The following ALG10B variants were observed in gnomAD, a reference collection of about 807,000 sequenced individuals.
The protein encoded by ALG10B is ALG10 alpha-1,2-glucosyltransferase B.
Under a neutral mutation model 38.7 loss-of-function variants are expected in ALG10B, and 27 were observed. That is an observed-to-expected ratio of 0.70 (90% CI 0.51 to 0.96). The LOEUF (loss-of-function observed/expected upper bound fraction) is 0.96. Ranked by LOEUF, ALG10B falls within the 40% of genes least tolerant of loss-of-function variation. The pLI is 0.00. For synonymous variants in ALG10B, 177 were observed against 193.3 expected, an observed-to-expected ratio of 0.92 and a Z score of 0.70; for missense variants, 522 against 542.7, an observed-to-expected ratio of 0.96 and a Z score of 0.38.
rs993865780 is a variant in ALG10B at position 38,321,112 on chromosome 12, C to T, written c.1321C>T (p.Leu441=). ...LPPTSRLVCE[L]SCYAIVNFIT... is the part of the protein sequence containing the mutation. ...TCCCACATCCAGACTTGTTTGTGAACTGAGTTGCTATGCAATTGTTAATTT... is the reference window on the plus strand; with the variant it reads ...TCCCACATCCAGACTTGTTTGTGAATTGAGTTGCTATGCAATTGTTAATTT... The change falls in exon 3 of 3, where the codon CTG becomes TTG. Residue 441 remains leucine (L), a synonymous_variant. Transcript: ENST00000308742. The T allele has an allele frequency of 9.9e-6, 16 of 1,613,646 alleles. No homozygotes were observed. The highest frequency in any genetic ancestry group is 1.3e-5 in the African/African-American group (1 of 74,890).
rs1945718182 is a variant in ALG10B, at chr12:38,323,333, A to T, written c.*2120A>T. On this transcript the variant is annotated 3_prime_UTR_variant, in exon 3 of 3. Transcript: ENST00000308742. ...TTTGGTCTGACTTTGTAGATTAGGGAACAACTGCTGGGGTAGGATTATTTT... is the reference window on the plus strand; with the variant it reads ...TTTGGTCTGACTTTGTAGATTAGGGTACAACTGCTGGGGTAGGATTATTTT... 2 of 152,376 alleles carry T rather than the reference A, an allele frequency of 1.3e-5. No individual in the cohort carries two copies. The highest frequency in any genetic ancestry group is 2.9e-5 in the Non-Finnish European group (2 of 68,196). The allele number at this position is 152,376 out of a possible 1,614,324, so 9.4% of individuals were successfully genotyped here.
rs1454342901 is a variant in ALG10B at position 38,325,470 on chromosome 12, A to G, written c.*4257A>G. On this transcript the variant is annotated 3_prime_UTR_variant, in exon 3 of 3. Coordinates refer to ENST00000308742, the MANE Select transcript of ALG10B (RefSeq NM_001013620.4). ...TTTATTTATACCACCTAAATAGTGG[A>G]CTGTTATTTTGGACTCACTTTTAAA... 1 of 152,180 alleles carries G rather than the reference A, an allele frequency of 6.6e-6. No individual in the cohort carries two copies. Among genetic ancestry groups the G allele is most frequent in the Non-Finnish European group, 1.5e-5 (1 of 68,008 alleles). 9.4% of individuals were successfully genotyped at this position (152,180 alleles called of 1,614,324 possible). A position where few individuals can be genotyped will look rare whatever the true frequency, so the allele number is the denominator to read the frequency against.
In ALG10B at chr12:38,316,897, G is replaced by C. The variant is rs761564225; in HGVS notation, c.4G>C (p.Ala2Pro). M[A>P]QLEGYCFSAA... ...GGCAGTGGCTGTGGGAGCAGGAATGGCGCAGCTAGAGGGTTACTGTTTCTC... is the reference window on the plus strand; with the variant it reads ...GGCAGTGGCTGTGGGAGCAGGAATGCCGCAGCTAGAGGGTTACTGTTTCTC... Residue 2 changes from alanine (A) to proline (P), a missense_variant, in exon 1 of 3, where the codon GCG (alanine) becomes CCG (proline). Physicochemically the swap from Ala to Pro is conservative, Grantham distance 27. Coordinates refer to ENST00000308742, the MANE Select transcript of ALG10B (RefSeq NM_001013620.4). 6.2e-7 allele frequency: 1 copy of C among 1,614,186 alleles called. No individual in the cohort carries two copies. Among genetic ancestry groups the C allele is most frequent in the Admixed American group, 1.7e-5 (1 of 60,028 alleles).
Position 38,322,021 on chromosome 12 carries a change from C to T in ALG10B, c.*808C>T, listed in dbSNP as rs1342990639. ...TGGGTGCTTACAACAATTTTCCTCA[C>T]AGTCTGGAGGCCAGAAGTCTAAAAT... On this transcript the variant is annotated 3_prime_UTR_variant, in exon 3 of 3. Transcript: ENST00000308742. The T allele has an allele frequency of 6.6e-6, 1 of 152,208 alleles. No homozygotes were observed. Among genetic ancestry groups the T allele is most frequent in the East Asian group, 1.9e-4 (1 of 5,186 alleles). 9.4% of individuals were successfully genotyped at this position (152,208 alleles called of 1,614,324 possible). A position where few individuals can be genotyped will look rare whatever the true frequency, so the allele number is the denominator to read the frequency against.
In ALG10B at chr12:38,317,359, C is replaced by T. The variant is rs73261349; in HGVS notation, c.171+295C>T. 1,366 of 479,254 alleles carry T rather than the reference C, an allele frequency of 2.9e-3. 14 individuals are homozygous for T. Among genetic ancestry groups the T allele is most frequent in the African/African-American group, 0.025 (1,299 of 51,508 alleles). The allele number at this position is 479,254 out of a possible 1,614,324, so 29.7% of individuals were successfully genotyped here. ...CAATATCGATCCCACTTTGTTTTTC[C>T]TTGTCTCAGGATTAAAGGCATTCGG... On this transcript the variant is annotated intron_variant, in intron 1 of 2. Transcript: ENST00000308742.
At chr12:38,316,772 ATGTGGCCCCGTC>A in exon 1 of ALG10B, 1 of 1,527,734 alleles carries the variant, frequency 6.5e-7, no homozygotes, top group South Asian at 1.1e-5. Context: ...GCCTTCCGGT[ATGTGGCCCCGTC>A]TGGCTAGTCC....
rs1945746302 is a variant in ALG10B, at chr12:38,326,527, ATTTAAAATAAGAAAATATTCTTATTTCT to A, written c.*5315_*5342del. ...TATAATTTCAAAATAATTGCTTTTT[ATTTAAAATAAGAAAATATTCTTATTTCT>A]ATTTAAAATAAGAAAAATCAGTAAC... On this transcript the variant is annotated 3_prime_UTR_variant, in exon 3 of 3. Coordinates refer to ENST00000308742, the MANE Select transcript of ALG10B (RefSeq NM_001013620.4). 2 of 30,068 alleles carry A rather than the reference ATTTAAAATAAGAAAATATTCTTATTTCT, an allele frequency of 6.7e-5. No homozygotes were observed. The highest frequency in any genetic ancestry group is 1.2e-4 in the Non-Finnish European group (2 of 16,528). 1.9% of individuals were successfully genotyped at this position (30,068 alleles called of 1,614,324 possible). A position where few individuals can be genotyped will look rare whatever the true frequency, so the allele number is the denominator to read the frequency against.
Position 38,323,991 on chromosome 12 carries a change from G to T in ALG10B, c.*2778G>T. The T allele has an allele frequency of 1.4e-6, 1 of 694,582 alleles. No homozygotes were observed. Among genetic ancestry groups the T allele is most frequent in the Non-Finnish European group, 2.6e-6 (1 of 382,832 alleles). The allele number at this position is 694,582 out of a possible 1,614,324, so 43.0% of individuals were successfully genotyped here. A position where few individuals can be genotyped will look rare whatever the true frequency, so the allele number is the denominator to read the frequency against. On this transcript the variant is annotated 3_prime_UTR_variant, in exon 3 of 3. Coordinates refer to ENST00000308742, the MANE Select transcript of ALG10B (RefSeq NM_001013620.4). ...GAAAATATTCTACCCTGTAATTAAA[G>T]AAGACTGCTCTTTGGAGGGATCACT...
At position 38,324,181 on chromosome 12, in the gene ALG10B, C is replaced by A; in HGVS notation, c.*2968C>A. ...CCGAGTAGCTGAGATTATAGGCGCC[C>A]ACCACCAAGCCTGGCTAATTTTTTC... is the stretch of plus-strand genomic sequence containing the variant. On this transcript the variant is annotated 3_prime_UTR_variant, in exon 3 of 3. Transcript: ENST00000308742. 1 of 417,888 alleles carries A rather than the reference C, an allele frequency of 2.4e-6. No individual in the cohort carries two copies. Among genetic ancestry groups the A allele is most frequent in the Non-Finnish European group, 4.3e-6 (1 of 233,656 alleles). The allele number at this position is 417,888 out of a possible 1,614,324, so 25.9% of individuals were successfully genotyped here. A position where few individuals can be genotyped will look rare whatever the true frequency, so the allele number is the denominator to read the frequency against.
rs924444179 is a variant in ALG10B at position 38,327,072 on chromosome 12, C to A, written c.*5859C>A. ...ACAAATATATACGTATTTATATATA[C>A]AAATTTGTATATATGTAATGTATGT... On this transcript the variant is annotated 3_prime_UTR_variant, in exon 3 of 3. Transcript: ENST00000308742. The A allele has an allele frequency of 6.8e-6, 1 of 147,498 alleles. No homozygotes were observed. The highest frequency in any genetic ancestry group is 2.5e-5 in the African/African-American group (1 of 40,364). 9.1% of individuals were successfully genotyped at this position (147,498 alleles called of 1,614,324 possible). A position where few individuals can be genotyped will look rare whatever the true frequency, so the allele number is the denominator to read the frequency against.
chr12:38,320,954 T>G lies in ALG10B; in HGVS notation c.1163T>G (p.Leu388Trp), dbSNP rs779228432. 1 of 1,613,682 alleles carries G rather than the reference T, an allele frequency of 6.2e-7. No individual in the cohort carries two copies. The highest frequency in any genetic ancestry group is 1.1e-5 in the South Asian group (1 of 91,000). ...GCTGGTTGGAGTATAGCTGACTCAT[T>G]GAAATCAAAGCCAATTTTTTGGAAT... ...IFAGWSIADS[L>W]KSKPIFWNLM... Residue 388 changes from leucine (L) to tryptophan (W), a missense_variant, in exon 3 of 3, where the codon TTG (leucine) becomes TGG (tryptophan). Transcript: ENST00000308742.
rs1945740457 is a variant in ALG10B, at chr12:38,325,956, A to T, written c.*4743A>T. 2 of 152,132 alleles carry T rather than the reference A, an allele frequency of 1.3e-5. No individual in the cohort carries two copies. Among genetic ancestry groups the T allele is most frequent in the South Asian group, 4.1e-4 (2 of 4,836 alleles). The allele number at this position is 152,132 out of a possible 1,614,324, so 9.4% of individuals were successfully genotyped here. On this transcript the variant is annotated 3_prime_UTR_variant, in exon 3 of 3. Coordinates refer to ENST00000308742, the MANE Select transcript of ALG10B (RefSeq NM_001013620.4). ...AGTGAATAGAAAAAACATCCTACAT[A>T]ACCGTGGCTAATTTTAGGAAGTAAA...
chr12:38,322,409 T>C lies in ALG10B; in HGVS notation c.*1196T>C, dbSNP rs947598435. 2 of 152,216 alleles carry C rather than the reference T, an allele frequency of 1.3e-5. No homozygotes were observed. Among genetic ancestry groups the C allele is most frequent in the African/African-American group, 4.8e-5 (2 of 41,452 alleles). The allele number at this position is 152,216 out of a possible 1,614,324, so 9.4% of individuals were successfully genotyped here. On this transcript the variant is annotated 3_prime_UTR_variant, in exon 3 of 3. Coordinates refer to ENST00000308742, the MANE Select transcript of ALG10B (RefSeq NM_001013620.4). ...TCTTCATGGGATACTTTTCAGTCCA[T>C]GACAGTTACTAAAGGACATTTTAGG...
Position 38,329,087 on chromosome 12 carries a change from A to C in ALG10B, c.*7874A>C. ...GAGAAAGGCATGAAGTCTACCTTCA[A>C]ATTCATGGCATTTTAGAAGGAAAAA... On this transcript the variant is annotated 3_prime_UTR_variant, in exon 3 of 3. Transcript: ENST00000308742. 2.5e-6 allele frequency: 1 copy of C among 397,268 alleles called. No homozygotes were observed. The highest frequency in any genetic ancestry group is 4.4e-5 in the Admixed American group (1 of 22,718). The allele number at this position is 397,268 out of a possible 1,614,324, so 24.6% of individuals were successfully genotyped here.
rs1053485231 is a variant in ALG10B, at chr12:38,325,104, G to A, written c.*3891G>A. ...CAGGTATGCTGTGAATTTTGTTAAC[G>A]TTTATGTTTTCCATTAATGGATAGT... On this transcript the variant is annotated 3_prime_UTR_variant, in exon 3 of 3. Transcript: ENST00000308742. 7 of 152,088 alleles carry A rather than the reference G, an allele frequency of 4.6e-5. No individual in the cohort carries two copies. In the South Asian group the frequency reaches 8.3e-4, roughly 18 times the overall value. The allele number at this position is 152,088 out of a possible 1,614,324, so 9.4% of individuals were successfully genotyped here. A position where few individuals can be genotyped will look rare whatever the true frequency, so the allele number is the denominator to read the frequency against.
Position 38,325,183 on chromosome 12 carries a change from CT to C in ALG10B, c.*3971del, listed in dbSNP as rs1945733741. 1 of 152,196 alleles carries C rather than the reference CT, an allele frequency of 6.6e-6. No individual in the cohort carries two copies. Among genetic ancestry groups the C allele is most frequent in the Non-Finnish European group, 1.5e-5 (1 of 68,018 alleles). The allele number at this position is 152,196 out of a possible 1,614,324, so 9.4% of individuals were successfully genotyped here. On this transcript the variant is annotated 3_prime_UTR_variant, in exon 3 of 3. Coordinates refer to ENST00000308742, the MANE Select transcript of ALG10B (RefSeq NM_001013620.4). ...TTTAAATGATTTGGAAAGATAGCAT[CT>C]CTCAGTTTAAACTTAGCATCTCATT...
chr12:38,320,407 A>G lies in ALG10B; in HGVS notation c.616A>G (p.Thr206Ala). 6.2e-7 allele frequency: 1 copy of G among 1,614,104 alleles called. No homozygotes were observed. Among genetic ancestry groups the G allele is most frequent in the Non-Finnish European group, 8.5e-7 (1 of 1,179,970 alleles). The stretch of plus-strand genomic sequence containing the variant: ...AGGGAATGTCATTGCACAAAAGTTA[A>G]CTGAGGCTTGGAAAACTGAGCTACA... ...CAGNVIAQKLTEAWKTELQKK... is the reference protein window; with the variant it reads ...CAGNVIAQKLAEAWKTELQKK... Residue 206 changes from threonine to alanine, a missense_variant, in exon 3 of 3, where the codon ACT becomes GCT. By Grantham distance (58) the Thr-to-Ala change is moderately conservative (BLOSUM62 0). Transcript: ENST00000308742.
rs1945658942 is a variant in ALG10B at position 38,316,816 on chromosome 12, GC to G, written c.-75del. 1 of 1,612,262 alleles carries G rather than the reference GC, an allele frequency of 6.2e-7. No individual in the cohort carries two copies. Among genetic ancestry groups the G allele is most frequent in the Non-Finnish European group, 8.5e-7 (1 of 1,179,446 alleles). ...GTCCTGTCTAGCGCGCCCATTTCGA[GC>G]CCAAGTTTCCAGCTCGGGTTTCCGG... On this transcript the variant is annotated 5_prime_UTR_variant, in exon 1 of 3. Coordinates refer to ENST00000308742, the MANE Select transcript of ALG10B (RefSeq NM_001013620.4).
chr12:38,324,097 A>G lies in ALG10B; in HGVS notation c.*2884A>G. 5.2e-6 allele frequency: 3 copies of G among 580,620 alleles called. No individual in the cohort carries two copies. The highest frequency in any genetic ancestry group is 4.4e-5 in the South Asian group (2 of 45,414). 36.0% of individuals were successfully genotyped at this position (580,620 alleles called of 1,614,324 possible). On this transcript the variant is annotated 3_prime_UTR_variant, in exon 3 of 3. Transcript: ENST00000308742. ...CCCCAGGCTGGAATGCAATGGCGCG[A>G]TCTTGGCTCACTGAAACCTCCACCT...
Sources: gnomAD v4.1 joint callset for allele counts on GRCh38, gnomAD v4.1.1 for gene constraint, MANE v1.5 for transcripts, NCBI Gene and HGNC (gene_info 2026-07-23, HGNC 2026-07-21) for gene names.